Variants in LIMCH1 observed in about 807,000 individuals in gnomAD.
The protein encoded by LIMCH1 is LIM and calponin homology domains 1.
Under a neutral mutation model 176.5 loss-of-function variants are expected in LIMCH1, and 113 were observed. The ratio of observed to expected loss-of-function variants is 0.64; its 90% CI spans 0.55 to 0.75. The LOEUF is 0.75. Ranked by LOEUF, LIMCH1 falls within the 30% of genes least tolerant of loss-of-function variation. LIMCH1 has a pLI of 0.00. For missense variants in LIMCH1, 1,674 were observed against 1,814.9 expected (o/e 0.92, Z 1.41); for synonymous variants, 619 against 645.9 (o/e 0.96, Z 0.63).
intron 1 of LIMCH1, among the ~76,000 whole-genome samples, chr4:41,465,013 T>C (rs1228238904): frequency 6.6e-6 from 1 of 152,242 alleles, no homozygotes; most frequent in African/African-American, 2.4e-5. Flanking sequence ...TTGTCTTTCC[T>C]GCCTACCTTT....
chr4:41,646,937 G>C (rs749697409), intron 17 of LIMCH1, 44 bp downstream of exon 17: 1 of 1,513,054 alleles, frequency 6.6e-7, no homozygotes, highest in East Asian at 2.3e-5. Context: ...TGAACTCCAG[G>C]GAGTGGATGG....
At chr4:41,682,545 G>A (rs1716865505) in intron 26 of LIMCH1, 85 bp downstream of exon 26, 2 of 1,314,110 alleles carry the variant, frequency 1.5e-6, no homozygotes, top group Middle Eastern at 1.9e-4. Flanking sequence ...CATTGCTGAT[G>A]CAAATTACAT....
At chr4:41,620,012 A>G (rs1284248263) in intron 6 of LIMCH1, 1 of 198,416 alleles carries the variant, frequency 5.0e-6, no homozygotes, top group Admixed American at 5.3e-5. Context: ...AGCATCTACT[A>G]TATGCTAGGC....
At chr4:41,508,011 A>G (rs1251286529) in intron 2 of LIMCH1, among the ~76,000 whole-genome samples, 1 of 152,188 alleles carries the variant, frequency 6.6e-6, no homozygotes, top group Non-Finnish European at 1.5e-5. Flanking sequence ...GGGAAATGAA[A>G]GTTGAGAAGA....
intron 1 of LIMCH1, among the ~76,000 whole-genome samples, chr4:41,462,154 GC>G (rs1447739123): frequency 2.6e-5 from 4 of 152,182 alleles, no homozygotes; most frequent in African/African-American, 9.6e-5. Context: ...AGTGCATCCA[GC>G]CCCAGCATCT....
chr4:41,383,715 A>G (rs959327637), intron 1 of LIMCH1, among the ~76,000 whole-genome samples: 15 of 152,134 alleles, frequency 9.9e-5, no homozygotes, highest in Non-Finnish European at 2.9e-5. Flanking sequence ...ATATATATCT[A>G]TATCTATAGA....
At chr4:41,369,634 G>GC (rs1248862209) in intron 1 of LIMCH1, among the ~76,000 whole-genome samples, 1 of 151,860 alleles carries the variant, frequency 6.6e-6, no homozygotes, top group Non-Finnish European at 1.5e-5. Flanking sequence ...CTCAGTTTTT[G>GC]CCTTTTTTTT....
intron 1 of LIMCH1, among the ~76,000 whole-genome samples, chr4:41,449,524 C>G (rs2063625995): frequency 6.6e-6 from 1 of 152,186 alleles, no homozygotes; most frequent in African/African-American, 2.4e-5. Flanking sequence ...CACCTTCTCT[C>G]TCTCTTACTT....
intron 1 of LIMCH1, among the ~76,000 whole-genome samples, chr4:41,416,832 G>T (rs1220070401): frequency 3.9e-5 from 6 of 152,090 alleles, no homozygotes; most frequent in Non-Finnish European, 8.8e-5. Flanking sequence ...AAGGCCAAGG[G>T]AGCTGACAGG....
chr4:41,610,029 G>A (rs537151572), intron 4 of LIMCH1, among the ~76,000 whole-genome samples: 78 of 152,322 alleles, frequency 5.1e-4, no homozygotes, highest in African/African-American at 1.6e-3. Flanking sequence ...TGGGTGGCCT[G>A]GTTTTCACTG....
intron 2 of LIMCH1, among the ~76,000 whole-genome samples, chr4:41,501,886 T>A (rs57249320): frequency 0.031 from 3,038 of 97,590 alleles, 45 homozygotes; most frequent in African/African-American, 0.056. Context: ...TTTTTTTTTT[T>A]AAAAAAAACC....
At chr4:41,455,013 TTGAC>T (rs10552826) in intron 1 of LIMCH1, among the ~76,000 whole-genome samples, 24,538 of 151,028 alleles carry the variant, frequency 0.16, 2,230 homozygotes, top group African/African-American at 0.25. Context: ...ACATGCTTCT[TTGAC>T]TGATTAGTTG....
At chr4:41,669,133 T>A (rs995700719) in intron 21 of LIMCH1, among the ~76,000 whole-genome samples, 5 of 152,198 alleles carry the variant, frequency 3.3e-5, no homozygotes, top group Admixed American at 3.3e-4. Flanking sequence ...CAAATTTTCA[T>A]GTGTCTAGTT....
chr4:41,394,774 C>T (rs2057621182), intron 1 of LIMCH1, among the ~76,000 whole-genome samples: 1 of 152,086 alleles, frequency 6.6e-6, no homozygotes, highest in East Asian at 1.9e-4. Flanking sequence ...GAGCATCTTT[C>T]GTGGTGGAGG....
intron 1 of LIMCH1, among the ~76,000 whole-genome samples, chr4:41,484,298 T>C (rs2069143079): frequency 6.6e-6 from 1 of 152,220 alleles, no homozygotes; most frequent in African/African-American, 2.4e-5. Context: ...TGGGACCAGA[T>C]CTTGTCATTT....
Position 41,656,522 on chromosome 4 carries a change from A to AT in LIMCH1, c.3037-4889dup, listed in dbSNP as rs200740412. Among the ~76,000 whole-genome samples, 16 of 151,546 alleles carry AT rather than the reference A, an allele frequency of 1.1e-4. No homozygotes were observed. In the South Asian group the frequency reaches 2.5e-3, roughly 24 times the overall value. The stretch of plus-strand genomic sequence containing the variant: ...ATCCAGTTACCTGGGTCAAAACCTC[A>AT]TTTTTTTTTAATTTGAAAAGTTTAG... On this transcript the variant is annotated intron_variant, in intron 18 of 31. Coordinates refer to ENST00000503057, the MANE Select transcript of LIMCH1 (RefSeq NM_001330672.2).
chr4:41,697,296 T>A lies in LIMCH1; in HGVS notation c.*111T>A. ...GGCTTCTCAGCATTTACCTAATTTC[T>A]GAAAGGCTCTTCTGAAAGGTGGTAT... On this transcript the variant is annotated 3_prime_UTR_variant, in exon 32 of 32. Transcript: ENST00000503057. The A allele has an allele frequency of 2.2e-6, 2 of 910,092 alleles. No homozygotes were observed. The highest frequency in any genetic ancestry group is 3.6e-6 in the Non-Finnish European group (2 of 556,732). 56.4% of individuals were successfully genotyped at this position (910,092 alleles called of 1,614,324 possible).
chr4:41,697,052 A>C (rs530524438), intron 31 of LIMCH1, 108 bp from the exon 32 acceptor site: 4 of 1,120,120 alleles, frequency 3.6e-6, no homozygotes, highest in Non-Finnish European at 5.4e-6. Context: ...GGTCCCCAGG[A>C]AGAGGAGACT....
At chr4:41,483,738 C>A (rs1283060073) in intron 1 of LIMCH1, among the ~76,000 whole-genome samples, 1 of 152,196 alleles carries the variant, frequency 6.6e-6, no homozygotes, top group East Asian at 1.9e-4. Flanking sequence ...CCTGGAGCGC[C>A]CTACTTCATC....
Sources: gnomAD v4.1 joint callset for allele counts (sites outside exome capture counted in the v4.1 genomes callset) on GRCh38, gnomAD v4.1.1 for gene constraint, MANE v1.5 for transcripts, NCBI Gene and HGNC (gene_info 2026-07-23, HGNC 2026-07-21) for gene names.